The following TSHZ2 variants were observed in gnomAD, a reference collection of about 807,000 sequenced individuals.
The protein encoded by TSHZ2 is teashirt homolog 2.
Under a neutral mutation model 74.4 loss-of-function variants are expected in TSHZ2, and 21 were observed. The observed-to-expected ratio is 0.28, with a 90% CI of 0.20 to 0.41. The LOEUF is 0.41. Ranked by LOEUF, TSHZ2 falls within the 10% of genes least tolerant of loss-of-function variation. The pLI, the probability that TSHZ2 is intolerant of heterozygous loss-of-function variation, is 1.00. For synonymous variants in TSHZ2, 540 were observed against 515.3 expected (o/e 1.05, Z -0.65); for missense variants, 1,244 against 1,293.5 (o/e 0.96, Z 0.59).
At chr20:53,009,508 A>G (rs927163154) in intron 1 of TSHZ2, among the ~76,000 whole-genome samples, 2 of 152,186 alleles carry the variant, frequency 1.3e-5, no homozygotes, top group African/African-American at 4.8e-5. Flanking sequence ...CATAATTTAA[A>G]ACTTATGAAT....
At chr20:52,987,688 T>C (rs1164751377) in intron 1 of TSHZ2, among the ~76,000 whole-genome samples, 7 of 152,138 alleles carry the variant, frequency 4.6e-5, no homozygotes, top group African/African-American at 9.7e-5. Context: ...AGGAAATGCA[T>C]GCATTTACAC....
At chr20:53,123,450 G>A (rs1986867262) in intron 1 of TSHZ2, among the ~76,000 whole-genome samples, 1 of 152,144 alleles carries the variant, frequency 6.6e-6, no homozygotes, top group Non-Finnish European at 1.5e-5. Flanking sequence ...GGCTGATCTA[G>A]GACAGCCTCA....
At chr20:53,029,758 G>T (rs1983569590) in intron 1 of TSHZ2, among the ~76,000 whole-genome samples, 1 of 152,198 alleles carries the variant, frequency 6.6e-6, no homozygotes. Flanking sequence ...AGGTGAACAA[G>T]CAAGTTGCAA....
At chr20:53,354,052 C>T (rs369408940) in intron 2 of TSHZ2, among the ~76,000 whole-genome samples, 14 of 152,180 alleles carry the variant, frequency 9.2e-5, no homozygotes, top group Admixed American at 9.2e-4. Context: ...GTAATGCCGT[C>T]GTAGGCACCA....
At chr20:53,470,480 G>A (rs1338957922) in intron 2 of TSHZ2, among the ~76,000 whole-genome samples, 1 of 152,150 alleles carries the variant, frequency 6.6e-6, no homozygotes. Context: ...AGCATCATGT[G>A]TCTCCATTGC....
chr20:53,204,510 C>T (rs1989116480), intron 1 of TSHZ2, among the ~76,000 whole-genome samples: 1 of 151,750 alleles, frequency 6.6e-6, no homozygotes, highest in African/African-American at 2.4e-5. Flanking sequence ...ATTTCTTTCT[C>T]ATTCTTTAAT....
chr20:53,203,315 T>C (rs1989055491), intron 1 of TSHZ2, among the ~76,000 whole-genome samples: 1 of 151,670 alleles, frequency 6.6e-6, no homozygotes, highest in South Asian at 2.1e-4. Flanking sequence ...CTGCCTCAGC[T>C]TCCTGAGTAG....
At chr20:53,413,426 C>CG (rs1231960734) in intron 2 of TSHZ2, among the ~76,000 whole-genome samples, 1 of 152,182 alleles carries the variant, frequency 6.6e-6, no homozygotes, top group Non-Finnish European at 1.5e-5. Context: ...CAGCACTTTG[C>CG]GGGGCCAGCG....
intron 1 of TSHZ2, among the ~76,000 whole-genome samples, chr20:53,144,062 C>T (rs1293513864): frequency 6.6e-6 from 1 of 152,110 alleles, no homozygotes; most frequent in Non-Finnish European, 1.5e-5. Flanking sequence ...GGCCACAAGA[C>T]CAGATGAGCC....
rs140377887 is a variant in TSHZ2, at chr20:53,301,650, C to T, written c.*8+45079C>T. 7.2e-5 allele frequency among the ~76,000 whole-genome samples: 11 copies of T among 152,268 alleles called. No individual in the cohort carries two copies. The East Asian group carries it at 9.7e-4, about 13-fold the overall frequency. ...AAAAGCATAGAGAACGACAGATACA[C>T]GTTTGCAAAAAGCAATACTTCTGTT... On this transcript the variant is annotated intron_variant, in intron 2 of 2. Coordinates refer to ENST00000371497, the MANE Select transcript of TSHZ2 (RefSeq NM_173485.6).
chr20:53,473,591 G>A (rs980468552), intron 2 of TSHZ2, among the ~76,000 whole-genome samples: 42 of 146,098 alleles, frequency 2.9e-4, no homozygotes, highest in African/African-American at 1.0e-3. Flanking sequence ...ACTCTAAAAC[G>A]CAGAGCGCCT....
chr20:53,424,792 T>G (rs980234237), intron 2 of TSHZ2, among the ~76,000 whole-genome samples: 7 of 152,204 alleles, frequency 4.6e-5, no homozygotes, highest in Non-Finnish European at 8.8e-5. Flanking sequence ...ATTGTTCCAC[T>G]GCCACTTACA....
intron 2 of TSHZ2, among the ~76,000 whole-genome samples, chr20:53,275,702 T>C (rs1054746213): frequency 1.3e-5 from 2 of 152,176 alleles, no homozygotes; most frequent in Non-Finnish European, 2.9e-5. Flanking sequence ...CCAAGGTGGA[T>C]GGATCACCTG....
At chr20:53,216,710 C>T (rs911364156) in intron 1 of TSHZ2, among the ~76,000 whole-genome samples, 5 of 152,222 alleles carry the variant, frequency 3.3e-5, no homozygotes, top group Non-Finnish European at 7.3e-5. Context: ...ACCTGGAGAA[C>T]ACAGCGCAGA....
At chr20:53,238,963 C>T (rs866929876) in intron 1 of TSHZ2, among the ~76,000 whole-genome samples, 1 of 152,100 alleles carries the variant, frequency 6.6e-6, no homozygotes, top group African/African-American at 2.4e-5. Flanking sequence ...CAGAGCACTC[C>T]CGCCAAGATG....
At chr20:53,458,100 T>G (rs1985183801) in intron 2 of TSHZ2, among the ~76,000 whole-genome samples, 2 of 152,148 alleles carry the variant, frequency 1.3e-5, no homozygotes, top group South Asian at 4.2e-4. Flanking sequence ...GATTCCCTGT[T>G]TTTCTATTGA....
chr20:53,064,422 A>C lies in TSHZ2; in HGVS notation c.40+91089A>C, dbSNP rs563675777. On this transcript the variant is annotated intron_variant, in intron 1 of 2. Coordinates refer to ENST00000371497, the MANE Select transcript of TSHZ2 (RefSeq NM_173485.6). ...TTGAAATTTTATGTCTTCTATGCTT[A>C]AGCCTTCTTTATTTTTTTTATGTTA... 5.1e-4 allele frequency among the ~76,000 whole-genome samples: 77 copies of C among 152,282 alleles called. 1 individual carries two copies. The South Asian group carries it at 0.014, about 28-fold the overall frequency.
chr20:53,182,013 T>C (rs1471978021), intron 1 of TSHZ2, among the ~76,000 whole-genome samples: 1 of 152,168 alleles, frequency 6.6e-6, no homozygotes, highest in African/African-American at 2.4e-5. Context: ...TTGATGATCT[T>C]AGGATATTAT....
intron 2 of TSHZ2, among the ~76,000 whole-genome samples, chr20:53,421,025 C>T (rs1219473345): frequency 6.6e-6 from 1 of 152,214 alleles, no homozygotes; most frequent in African/African-American, 2.4e-5. Flanking sequence ...GGCATAAACT[C>T]AGGACCCTTT....
Sources: allele counts gnomAD v4.1 joint callset (sites outside exome capture counted in the v4.1 genomes callset), GRCh38; gene constraint gnomAD v4.1.1; transcripts MANE v1.5; gene names NCBI Gene and HGNC (gene_info 2026-07-23, HGNC 2026-07-21).